Variants in PPP1R1C observed in about 807,000 individuals in gnomAD.
PPP1R1C encodes protein phosphatase 1 regulatory subunit 1C.
Under a neutral mutation model 17.4 loss-of-function variants are expected in PPP1R1C, and 15 were observed. The observed-to-expected ratio is 0.86, with a 90% confidence interval of 0.58 to 1.33. The LOEUF is 1.33. Among genes scored for constraint, PPP1R1C ranks in the 40% most tolerant of loss-of-function variants. The pLI is 0.00. For synonymous variants in PPP1R1C, 35 were observed against 43.1 expected (o/e 0.81, Z 0.73); for missense variants, 143 against 130.0 (o/e 1.10, Z -0.48).
chr2:182,116,385 TATC>T (rs1312769693), intron 4 of PPP1R1C, among the ~76,000 whole-genome samples: 27 of 152,076 alleles, frequency 1.8e-4, no homozygotes, highest in Non-Finnish European at 3.8e-4. Flanking sequence ...TGAGAAAGTC[TATC>T]TACATGGGGA....
intron 4 of PPP1R1C, among the ~76,000 whole-genome samples, chr2:182,106,243 C>T (rs1409825033): frequency 6.6e-6 from 1 of 152,186 alleles, no homozygotes; most frequent in East Asian, 1.9e-4. Context: ...TGAGGACAGG[C>T]ACTCCTGCTT....
chr2:182,014,627 C>G (rs1194072846), intron 2 of PPP1R1C, among the ~76,000 whole-genome samples: 2 of 151,796 alleles, frequency 1.3e-5, no homozygotes, highest in Non-Finnish European at 2.9e-5. Flanking sequence ...CTTCCCTTCA[C>G]AGCGGCAAAC....
At chr2:182,025,558 A>G (rs4666806) in intron 2 of PPP1R1C, among the ~76,000 whole-genome samples, 12,212 of 96,764 alleles carry the variant, frequency 0.13, 466 homozygotes, top group East Asian at 0.24. Context: ...TTATGGCTGC[A>G]TAGTATTCCA....
intron 1 of PPP1R1C, among the ~76,000 whole-genome samples, chr2:181,973,721 C>T (rs1175350949): frequency 6.6e-6 from 1 of 152,136 alleles, no homozygotes; most frequent in Admixed American, 6.5e-5. Context: ...TAATTGGCTG[C>T]CTTTTGCAGA....
chr2:182,094,705 C>G (rs959221981), intron 4 of PPP1R1C, among the ~76,000 whole-genome samples: 1 of 152,092 alleles, frequency 6.6e-6, no homozygotes, highest in African/African-American at 2.4e-5. Flanking sequence ...GGAGGTTGCA[C>G]TTTTTTGAAT....
chr2:181,982,113 G>T (rs1215300366), upstream of PPP1R1C, among the ~76,000 whole-genome samples: 2 of 152,080 alleles, frequency 1.3e-5, no homozygotes, highest in Non-Finnish European at 1.5e-5. Context: ...TTAAAAATTT[G>T]CTTTTCCCTC....
chr2:182,093,515 C>T lies in PPP1R1C; in HGVS notation c.242-23692C>T, dbSNP rs374112456. Among the ~76,000 whole-genome samples the T allele has an allele frequency of 1.3e-4, 20 of 152,220 alleles. 1 individual carries two copies. In the East Asian group the frequency reaches 3.3e-3, roughly 25 times the overall value. ...AGTTTGAATTTCTGTTCAGAAAATGCGATTTTCTTTTCTATTCCATTATCA... is the reference window on the plus strand; with the variant it reads ...AGTTTGAATTTCTGTTCAGAAAATGTGATTTTCTTTTCTATTCCATTATCA... On this transcript the variant is annotated intron_variant, in intron 4 of 4. Transcript: ENST00000682840.
downstream of PPP1R1C, chr2:182,118,055 C>T (rs888201444): frequency 1.3e-5 from 2 of 152,006 alleles, no homozygotes; most frequent in Non-Finnish European, 2.9e-5. Context: ...AAATTTGGGC[C>T]ATCTATTTCC....
At chr2:182,099,571 G>A (rs1001685067) in intron 4 of PPP1R1C, among the ~76,000 whole-genome samples, 29 of 152,278 alleles carry the variant, frequency 1.9e-4, no homozygotes, top group Admixed American at 1.6e-3. Flanking sequence ...ATAAAAATAT[G>A]TATGGCATCA....
intron 2 of PPP1R1C, among the ~76,000 whole-genome samples, chr2:182,042,514 G>A (rs941373541): frequency 6.6e-6 from 1 of 152,178 alleles, no homozygotes; most frequent in African/African-American, 2.4e-5. Context: ...ACAGGAGGCT[G>A]AAGTTTTCAC....
At chr2:182,028,339 G>A (rs1249886779) in intron 2 of PPP1R1C, among the ~76,000 whole-genome samples, 1 of 143,740 alleles carries the variant, frequency 7.0e-6, no homozygotes, top group Non-Finnish European at 1.5e-5. Context: ...GCTTTCTCTT[G>A]TGGGCATTTA....
intron 2 of PPP1R1C, among the ~76,000 whole-genome samples, chr2:182,015,866 GC>G (rs1333604383): frequency 6.6e-6 from 1 of 152,100 alleles, no homozygotes; most frequent in African/African-American, 2.4e-5. Context: ...GAGCTTCACT[GC>G]CTGTGGTTAA....
rs1327916801 is a variant in PPP1R1C at position 181,978,100 on chromosome 2, A to AG, written n.157+2841dup. ...GGGATGTCTTATATGGCGGCAGGCAAGGGGGCTTGTGCAGGGGAAGTCCCA... is the reference window on the plus strand; with the variant it reads ...GGGATGTCTTATATGGCGGCAGGCAAGGGGGGCTTGTGCAGGGGAAGTCCCA... On this transcript the variant is annotated intron_variant and non_coding_transcript_variant, in intron 2 of 5. Coordinates refer to the PPP1R1C transcript ENST00000464264. Among the ~76,000 whole-genome samples the AG allele has an allele frequency of 3.3e-5, 5 of 152,294 alleles. No homozygotes were observed. In the South Asian group the frequency reaches 8.3e-4, roughly 25 times the overall value.
At chr2:181,965,048 A>G (rs1002488477) in intron 1 of PPP1R1C, among the ~76,000 whole-genome samples, 4 of 152,160 alleles carry the variant, frequency 2.6e-5, no homozygotes, top group Non-Finnish European at 4.4e-5. Flanking sequence ...CTGATGATCA[A>G]TGATGTTGAG....
At chr2:182,121,413 T>C (rs918667517), downstream of PPP1R1C, among the ~76,000 whole-genome samples, 1 of 152,158 alleles carries the variant, frequency 6.6e-6, no homozygotes, top group Admixed American at 6.5e-5. Flanking sequence ...CTATCTTAAC[T>C]TTATCTACTT....
upstream of PPP1R1C, among the ~76,000 whole-genome samples, chr2:181,983,299 G>A (rs534033227): frequency 3.7e-4 from 56 of 152,178 alleles, no homozygotes; most frequent in African/African-American, 1.1e-3. Context: ...GGATGACCCC[G>A]GACAAATTAT....
intron 4 of PPP1R1C, among the ~76,000 whole-genome samples, chr2:182,084,766 G>A (rs915339417): frequency 1.3e-5 from 2 of 151,804 alleles, no homozygotes; most frequent in African/African-American, 4.8e-5. Flanking sequence ...ATTAATTTAA[G>A]GATTGTTTTC....
chr2:182,087,090 A>G (rs573291563), intron 4 of PPP1R1C, among the ~76,000 whole-genome samples: 49 of 152,372 alleles, frequency 3.2e-4, no homozygotes, highest in African/African-American at 1.2e-3. Context: ...CCTCAAAAAA[A>G]TATACAATTA....
chr2:182,050,770 C>G (rs1687488794), intron 2 of PPP1R1C, among the ~76,000 whole-genome samples: 1 of 152,136 alleles, frequency 6.6e-6, no homozygotes, highest in Admixed American at 6.5e-5. Context: ...AAAACACATG[C>G]AAAACTGACA....
Sources: allele counts gnomAD v4.1 joint callset (sites outside exome capture counted in the v4.1 genomes callset), GRCh38; gene constraint gnomAD v4.1.1; transcripts MANE v1.5; gene names NCBI Gene and HGNC (gene_info 2026-07-23, HGNC 2026-07-21).